The following INPP4B variants were observed in gnomAD, a reference collection of about 807,000 sequenced individuals.
INPP4B encodes the protein inositol polyphosphate 4-phosphatase type II.
A neutral mutation model predicts 122.5 loss-of-function variants in INPP4B; 55 were observed. The observed-to-expected ratio is 0.45, with a 90% CI of 0.36 to 0.56. The LOEUF (loss-of-function observed/expected upper bound fraction) is 0.56, where lower values mean the gene tolerates loss of function less well. INPP4B is among the 20% of genes least tolerant of loss of function. The pLI, the probability that INPP4B is intolerant of heterozygous loss-of-function variation, is 0.00. For synonymous variants in INPP4B, 403 were observed against 388.7 expected (o/e 1.04, Z -0.43); for missense variants, 1,000 against 1,097.7 (o/e 0.91, Z 1.26).
intron 10 of INPP4B, among the ~76,000 whole-genome samples, chr4:142,269,815 G>C (rs1236456896): frequency 6.6e-6 from 1 of 151,968 alleles, no homozygotes; most frequent in East Asian, 1.9e-4. Context: ...ACATTACATT[G>C]TACCCCAGAA....
intron 2 of INPP4B, among the ~76,000 whole-genome samples, chr4:142,609,182 A>G (rs568173031): frequency 6.6e-6 from 1 of 151,304 alleles, no homozygotes; most frequent in African/African-American, 2.4e-5. Context: ...CAGTAATGGA[A>G]AATATTATTA....
At chr4:142,104,252 CATGTATGAG>C (rs997740278) in intron 23 of INPP4B, among the ~76,000 whole-genome samples, 6 of 152,126 alleles carry the variant, frequency 3.9e-5, no homozygotes, top group Admixed American at 2.6e-4. Flanking sequence ...AGCCCTGAAT[CATGTATGAG>C]ACGCAGTGGT....
chr4:142,363,629 A>T (rs1786322378), intron 7 of INPP4B, among the ~76,000 whole-genome samples: 1 of 152,036 alleles, frequency 6.6e-6, no homozygotes, highest in Non-Finnish European at 1.5e-5. Context: ...GCCAAGCAGA[A>T]CCAAAATTTC....
intron 2 of INPP4B, among the ~76,000 whole-genome samples, chr4:142,494,146 C>T (rs879919484): frequency 3.9e-5 from 6 of 152,106 alleles, no homozygotes; most frequent in African/African-American, 1.2e-4. Context: ...GAGGCCTCCC[C>T]AGTCATGCTG....
chr4:142,064,570 C>T (rs1762539533), intron 25 of INPP4B, among the ~76,000 whole-genome samples: 1 of 152,100 alleles, frequency 6.6e-6, no homozygotes. Flanking sequence ...AAATCTATTT[C>T]AAGAGCAGCT....
chr4:142,695,466 T>C (rs978939751), intron 2 of INPP4B, among the ~76,000 whole-genome samples: 1 of 152,176 alleles, frequency 6.6e-6, no homozygotes, highest in Non-Finnish European at 1.5e-5. Flanking sequence ...ATGTAAAACA[T>C]CTAAATGTCT....
At chr4:142,119,519 C>T (rs1795486884) in intron 21 of INPP4B, among the ~76,000 whole-genome samples, 1 of 151,668 alleles carries the variant, frequency 6.6e-6, no homozygotes, top group Admixed American at 6.6e-5. Flanking sequence ...AGGTGGAAAC[C>T]ATCATTCAGA....
At chr4:142,263,473 G>A (rs978881933) in intron 10 of INPP4B, among the ~76,000 whole-genome samples, 1 of 151,336 alleles carries the variant, frequency 6.6e-6, no homozygotes, top group Non-Finnish European at 1.5e-5. Flanking sequence ...ATAATTTTTA[G>A]CTTTACTTCT....
chr4:142,208,075 A>G (rs1340619688), intron 14 of INPP4B, among the ~76,000 whole-genome samples: 2 of 152,048 alleles, frequency 1.3e-5, no homozygotes, highest in African/African-American at 4.8e-5. Context: ...GTTTCTCAAG[A>G]CAGGAAAAAT....
intron 18 of INPP4B, among the ~76,000 whole-genome samples, chr4:142,137,366 C>A: frequency 1.5e-5 from 2 of 134,152 alleles, no homozygotes; most frequent in East Asian, 4.3e-4. Flanking sequence ...CTTCCTTACA[C>A]CTTATACAAA....
chr4:142,111,644 G>A (rs990936523), intron 22 of INPP4B, among the ~76,000 whole-genome samples: 7 of 151,590 alleles, frequency 4.6e-5, no homozygotes, highest in African/African-American at 1.7e-4. Context: ...CACTGACCCT[G>A]GCCTGTTCTA....
At chr4:142,734,906 A>C (rs373659901) in intron 1 of INPP4B, among the ~76,000 whole-genome samples, 2 of 152,106 alleles carry the variant, frequency 1.3e-5, no homozygotes, top group East Asian at 3.9e-4. Flanking sequence ...CAGCCTCCCA[A>C]AGTGCTTGGA....
At chr4:142,815,936 T>G (rs2151136921) in intron 1 of INPP4B, among the ~76,000 whole-genome samples, 1 of 152,274 alleles carries the variant, frequency 6.6e-6, no homozygotes, top group African/African-American at 2.4e-5. Context: ...TTCCTTTCAC[T>G]GTAGGCCTTG....
chr4:142,705,010 T>A (rs1007286853), intron 2 of INPP4B, among the ~76,000 whole-genome samples: 2 of 152,184 alleles, frequency 1.3e-5, no homozygotes, highest in African/African-American at 4.8e-5. Context: ...ACAGAAACGT[T>A]TACTCTTATT....
chr4:142,717,264 A>T (rs1202402209), intron 2 of INPP4B, among the ~76,000 whole-genome samples: 1 of 152,228 alleles, frequency 6.6e-6, no homozygotes, highest in Non-Finnish European at 1.5e-5. Context: ...ACTTGATGGA[A>T]TTCATAGTGG....
intron 18 of INPP4B, among the ~76,000 whole-genome samples, chr4:142,138,259 C>A (rs1418211568): frequency 6.6e-6 from 1 of 151,232 alleles, no homozygotes; most frequent in African/African-American, 2.4e-5. Context: ...AACTGGAAAT[C>A]ATCATTCTCA....
At chr4:142,463,560 C>T (rs1817150566) in intron 2 of INPP4B, among the ~76,000 whole-genome samples, 1 of 152,112 alleles carries the variant, frequency 6.6e-6, no homozygotes, top group African/African-American at 2.4e-5. Context: ...TATGATTATA[C>T]AGCTTTTCTG....
At chr4:142,368,790 A>C (rs2148663920) in intron 7 of INPP4B, among the ~76,000 whole-genome samples, 1 of 152,278 alleles carries the variant, frequency 6.6e-6, no homozygotes, top group African/African-American at 2.4e-5. Context: ...CAATCAGTGA[A>C]AGAGAAAAGA....
intron 7 of INPP4B, among the ~76,000 whole-genome samples, chr4:142,350,921 C>T (rs894726588): frequency 7.2e-5 from 11 of 152,054 alleles, no homozygotes; most frequent in Non-Finnish European, 1.5e-4. Flanking sequence ...ATGTTAGGCT[C>T]TTCTAACAGG....
Sources: allele counts gnomAD v4.1 joint callset (sites outside exome capture counted in the v4.1 genomes callset), GRCh38; gene constraint gnomAD v4.1.1; transcripts MANE v1.5; gene names NCBI Gene and HGNC (gene_info 2026-07-23, HGNC 2026-07-21).